LRRTM3: variants seen among roughly 807,000 people sequenced by gnomAD.
The protein encoded by LRRTM3 is leucine-rich repeat transmembrane neuronal protein 3.
LRRTM3 carries 24 observed loss-of-function variants against 44.7 expected under a neutral mutation model. That is an observed-to-expected ratio of 0.54 (90% confidence interval 0.39 to 0.76). The LOEUF (loss-of-function observed/expected upper bound fraction) is 0.76. Among genes scored for constraint, LRRTM3 ranks in the 30% least tolerant of loss-of-function variants. LRRTM3 has a pLI of 0.00. For synonymous variants in LRRTM3, 277 were observed against 278.7 expected (o/e 0.99, Z 0.06); for missense variants, 587 against 702.2 (o/e 0.84, Z 1.85).
chr10:66,958,660 C>T (rs1848960817), intron 2 of LRRTM3, among the ~76,000 whole-genome samples: 1 of 152,002 alleles, frequency 6.6e-6, no homozygotes, highest in African/African-American at 2.4e-5. Context: ...AGAACATAAT[C>T]CCCAGAGCCA....
Position 67,097,764 on chromosome 10 carries a change from C to A in LRRTM3, c.1714C>A (p.Arg572=). The A allele has an allele frequency of 6.2e-7, 1 of 1,612,302 alleles. No homozygotes were observed. The highest frequency in any genetic ancestry group is 8.5e-7 in the Non-Finnish European group (1 of 1,178,892). Residue 572 remains arginine (R), a synonymous_variant, in exon 3 of 3, where the codon CGA becomes AGA. Coordinates refer to ENST00000361320, the MANE Select transcript of LRRTM3 (RefSeq NM_178011.5). ...LDLSTITTAG[R]ISDHKQQLA is the part of the protein sequence containing the mutation. ...CCTGAGCACAATCACAACAGCTGGC[C>A]GAATCAGTGACCATAAACAGCAGCT...
At chr10:66,955,310 C>A (rs777258258) in intron 2 of LRRTM3, among the ~76,000 whole-genome samples, 7 of 152,186 alleles carry the variant, frequency 4.6e-5, no homozygotes, top group Non-Finnish European at 7.4e-5. Context: ...TGTATCATGA[C>A]TCTGAATAAT....
chr10:67,086,295 T>G (rs936910748), intron 2 of LRRTM3, among the ~76,000 whole-genome samples: 1 of 152,070 alleles, frequency 6.6e-6, no homozygotes, highest in Non-Finnish European at 1.5e-5. Context: ...GGTGCAAGAT[T>G]TTTATGCAAC....
intron 2 of LRRTM3, among the ~76,000 whole-genome samples, chr10:67,075,265 A>C (rs923340874): frequency 6.6e-6 from 1 of 151,944 alleles, no homozygotes; most frequent in Non-Finnish European, 1.5e-5. Context: ...TCTTAAATTA[A>C]AAAAAAATCA....
chr10:66,939,944 C>T (rs902345453), intron 2 of LRRTM3, among the ~76,000 whole-genome samples: 2 of 152,114 alleles, frequency 1.3e-5, no homozygotes, highest in Non-Finnish European at 2.9e-5. Context: ...GTGGTCACTG[C>T]ATCATTTTTT....
chr10:67,047,364 T>A (rs1854818537), intron 2 of LRRTM3, among the ~76,000 whole-genome samples: 1 of 152,106 alleles, frequency 6.6e-6, no homozygotes, highest in African/African-American at 2.4e-5. Flanking sequence ...GTCTGTTAAA[T>A]AATGTTAACT....
At chr10:67,093,893 T>C (rs1233503018) in intron 2 of LRRTM3, among the ~76,000 whole-genome samples, 1 of 152,018 alleles carries the variant, frequency 6.6e-6, no homozygotes, top group Non-Finnish European at 1.5e-5. Context: ...TGACTATAAT[T>C]TGAAAGGGAC....
intron 2 of LRRTM3, among the ~76,000 whole-genome samples, chr10:66,931,365 G>T (rs1847381531): frequency 6.6e-6 from 1 of 152,106 alleles, no homozygotes; most frequent in African/African-American, 2.4e-5. Context: ...TAGTTAAATA[G>T]TCCCAGTGCC....
intron 2 of LRRTM3, among the ~76,000 whole-genome samples, chr10:66,994,193 G>T (rs1851200927): frequency 1.3e-5 from 2 of 152,006 alleles, no homozygotes; most frequent in Non-Finnish European, 2.9e-5. Context: ...TAATGTAAAG[G>T]AGCAACTACC....
chr10:66,928,983 C>G (rs1170606325), intron 2 of LRRTM3, among the ~76,000 whole-genome samples: 2 of 152,136 alleles, frequency 1.3e-5, no homozygotes. Flanking sequence ...AAGAAAATTG[C>G]AGGAAACTAT....
chr10:66,988,649 C>T (rs1196005288), intron 2 of LRRTM3, among the ~76,000 whole-genome samples: 1 of 152,006 alleles, frequency 6.6e-6, no homozygotes, highest in Non-Finnish European at 1.5e-5. Context: ...CTTCTGATTG[C>T]CAAAACCAAC....
intron 2 of LRRTM3, among the ~76,000 whole-genome samples, chr10:66,963,715 T>C (rs1849248555): frequency 6.6e-6 from 1 of 152,102 alleles, no homozygotes; most frequent in African/African-American, 2.4e-5. Context: ...CAAGACTCTA[T>C]TCATGAGAAA....
intron 2 of LRRTM3, among the ~76,000 whole-genome samples, chr10:67,016,049 G>T (rs919193859): frequency 2.0e-5 from 3 of 151,512 alleles, no homozygotes; most frequent in African/African-American, 7.3e-5. Flanking sequence ...GAATTCATCT[G>T]TCTCCTTTCT....
intron 2 of LRRTM3, among the ~76,000 whole-genome samples, chr10:66,978,101 C>T (rs1011969710): frequency 2.0e-5 from 3 of 151,480 alleles, no homozygotes; most frequent in Admixed American, 6.6e-5. Context: ...CATGCGATGA[C>T]GTTCCTGAAA....
Position 66,926,535 on chromosome 10 carries a change from C to T in LRRTM3, c.-49C>T. On this transcript the variant is annotated 5_prime_UTR_variant, in exon 1 of 3. Transcript: ENST00000361320. ...GACAGGGGCTGTCATGCAACTGGCC[C>T]CTAAGCCAAAGCAAAAGACCTAAGG... 1 of 1,612,232 alleles carries T rather than the reference C, an allele frequency of 6.2e-7. No homozygotes were observed. Among genetic ancestry groups the T allele is most frequent in the South Asian group, 1.1e-5 (1 of 90,756 alleles).
At chr10:66,948,464 A>G (rs1365758139) in intron 2 of LRRTM3, among the ~76,000 whole-genome samples, 1 of 152,218 alleles carries the variant, frequency 6.6e-6, no homozygotes, top group East Asian at 1.9e-4. Context: ...CTGTTACTAC[A>G]TGTGTTATGT....
intron 2 of LRRTM3, among the ~76,000 whole-genome samples, chr10:67,025,256 A>G (rs1268889022): frequency 6.6e-6 from 1 of 151,876 alleles, no homozygotes; most frequent in Admixed American, 6.6e-5. Context: ...AGACTCATTC[A>G]GTTAACTAAA....
chr10:66,984,594 A>C (rs1850624353), intron 2 of LRRTM3, among the ~76,000 whole-genome samples: 1 of 152,166 alleles, frequency 6.6e-6, no homozygotes, highest in Admixed American at 6.6e-5. Flanking sequence ...AATACTTCTC[A>C]ATGCGTTCAT....
At chr10:66,972,633 T>C (rs968996984) in intron 2 of LRRTM3, among the ~76,000 whole-genome samples, 2 of 151,432 alleles carry the variant, frequency 1.3e-5, no homozygotes, top group Non-Finnish European at 2.9e-5. Context: ...AAGTAAGACA[T>C]GAACATAAGC....
Sources: gnomAD v4.1 joint callset for allele counts (sites outside exome capture counted in the v4.1 genomes callset) on GRCh38, gnomAD v4.1.1 for gene constraint, MANE v1.5 for transcripts, NCBI Gene and HGNC (gene_info 2026-07-23, HGNC 2026-07-21) for gene names.